TRIQK: variants seen among roughly 807,000 people sequenced by gnomAD.
The protein encoded by TRIQK is triple QxxK/R motif containing.
TRIQK carries 10 observed loss-of-function variants against 10.8 expected under a neutral mutation model. That is an observed-to-expected ratio of 0.92 (90% confidence interval 0.57 to 1.57). The LOEUF (loss-of-function observed/expected upper bound fraction) is 1.57, where lower values mean the gene tolerates loss of function less well. Among genes scored for constraint, TRIQK ranks in the 40% most tolerant of loss-of-function variants. The pLI is 0.00. For synonymous variants in TRIQK, 33 were observed against 33.7 expected, an observed-to-expected ratio of 0.98 and a Z score of 0.07; for missense variants, 107 against 97.7, an observed-to-expected ratio of 1.09 and a Z score of -0.40.
intron 2 of TRIQK, among the ~76,000 whole-genome samples, chr8:92,945,762 A>C (rs1169363327): frequency 6.6e-6 from 1 of 152,236 alleles, no homozygotes; most frequent in Non-Finnish European, 1.5e-5. Flanking sequence ...AGAGGTAGCT[A>C]TATGTATTAA....
chr8:93,011,316 T>C (rs937807668), intron 1 of TRIQK, among the ~76,000 whole-genome samples: 2 of 152,052 alleles, frequency 1.3e-5, no homozygotes, highest in African/African-American at 4.8e-5. Context: ...TACACAGAAA[T>C]GATTATTTCT....
At chr8:92,951,079 G>A (rs1163742083) in intron 2 of TRIQK, among the ~76,000 whole-genome samples, 1 of 151,302 alleles carries the variant, frequency 6.6e-6, no homozygotes, top group Non-Finnish European at 1.5e-5. Context: ...GTAAACAATT[G>A]TTTTACTGTA....
intron 3 of TRIQK, among the ~76,000 whole-genome samples, chr8:92,895,126 CA>C (rs1243045521): frequency 1.3e-5 from 2 of 152,166 alleles, no homozygotes; most frequent in African/African-American, 4.8e-5. Flanking sequence ...AAGATAAATT[CA>C]GTTTACTTCC....
intron 1 of TRIQK, among the ~76,000 whole-genome samples, chr8:92,991,994 G>A (rs989769062): frequency 3.3e-5 from 5 of 152,110 alleles, no homozygotes; most frequent in African/African-American, 4.8e-5. Context: ...ACTGCTCAAC[G>A]AAATAAAAGA....
intron 3 of TRIQK, among the ~76,000 whole-genome samples, chr8:92,897,437 T>C (rs1240145423): frequency 1.3e-5 from 2 of 152,148 alleles, no homozygotes; most frequent in African/African-American, 4.8e-5. Flanking sequence ...AGGTGGGACT[T>C]TTAAGAGATT....
At chr8:93,003,165 T>A (rs1399488093) in intron 1 of TRIQK, among the ~76,000 whole-genome samples, 1 of 152,092 alleles carries the variant, frequency 6.6e-6, no homozygotes, top group African/African-American at 2.4e-5. Flanking sequence ...CACACTGCTA[T>A]AAAGAACTAC....
At chr8:92,970,355 T>C (rs1812862015), upstream of TRIQK, among the ~76,000 whole-genome samples, 1 of 152,230 alleles carries the variant, frequency 6.6e-6, no homozygotes, top group Admixed American at 6.5e-5. Flanking sequence ...GTTCTGCTTC[T>C]AGGTCTTTAA....
At position 92,883,879 on chromosome 8, in the gene TRIQK, AG is replaced by A. The variant is rs904023976; in HGVS notation, c.*2742del. ...CTTGTTTTAAAAGCAATTCTAGATG[AG>A]GTTATATTTTTACAATACTGTATCT... On this transcript the variant is annotated 3_prime_UTR_variant, in exon 5 of 5. Transcript: ENST00000521988. 6.6e-6 allele frequency: 1 copy of A among 151,756 alleles called. No homozygotes were observed. Among genetic ancestry groups the A allele is most frequent in the African/African-American group, 2.4e-5 (1 of 41,386 alleles). The allele number at this position is 151,756 out of a possible 1,614,324, so 9.4% of individuals were successfully genotyped here. A position where few individuals can be genotyped will look rare whatever the true frequency, so the allele number is the denominator to read the frequency against.
intron 1 of TRIQK, among the ~76,000 whole-genome samples, chr8:92,999,663 G>A (rs1813188198): frequency 6.6e-6 from 1 of 152,066 alleles, no homozygotes; most frequent in Non-Finnish European, 1.5e-5. Flanking sequence ...GGCCAGAAAT[G>A]GAATTGTTGC....
chr8:92,957,498 G>A (rs1812233898), intron 1 of TRIQK, among the ~76,000 whole-genome samples: 1 of 151,804 alleles, frequency 6.6e-6, no homozygotes, highest in African/African-American at 2.4e-5. Flanking sequence ...GTTCAAAGGG[G>A]ATATGTTTTC....
At position 92,884,574 on chromosome 8, in the gene TRIQK, C is replaced by T; in HGVS notation, c.*2048G>A. 2 of 309,872 alleles carry T rather than the reference C, an allele frequency of 6.5e-6. No individual in the cohort carries two copies. Among genetic ancestry groups the T allele is most frequent in the Non-Finnish European group, 1.3e-5 (2 of 156,872 alleles). 19.2% of individuals were successfully genotyped at this position (309,872 alleles called of 1,614,324 possible). The stretch of plus-strand genomic sequence containing the variant: ...TAATAGTTATCAAAAACATTTTTCC[C>T]CAAAAAATACCTCAAGGGTAAAACA... On this transcript the variant is annotated 3_prime_UTR_variant, in exon 5 of 5. Transcript: ENST00000521988.
At chr8:92,932,952 C>T (rs995817148) in intron 2 of TRIQK, among the ~76,000 whole-genome samples, 25 of 151,986 alleles carry the variant, frequency 1.6e-4, no homozygotes, top group African/African-American at 6.0e-4. Flanking sequence ...TACGGTTTAG[C>T]GTGTGTTTTC....
chr8:93,000,566 A>C (rs1204517764), intron 1 of TRIQK, among the ~76,000 whole-genome samples: 1 of 152,216 alleles, frequency 6.6e-6, no homozygotes, highest in Non-Finnish European at 1.5e-5. Context: ...CTACAATTCA[A>C]GAAGAGATTT....
At chr8:92,938,174 C>T (rs1811085823) in intron 2 of TRIQK, among the ~76,000 whole-genome samples, 1 of 151,976 alleles carries the variant, frequency 6.6e-6, no homozygotes, top group South Asian at 2.1e-4. Context: ...TACTTGAAAG[C>T]TAACACTCCT....
chr8:92,939,184 G>T (rs1811147133), intron 2 of TRIQK, among the ~76,000 whole-genome samples: 1 of 152,134 alleles, frequency 6.6e-6, no homozygotes, highest in Non-Finnish European at 1.5e-5. Context: ...TTTCTAGGTT[G>T]CATCTAAGCA....
At chr8:92,945,684 C>T (rs1026906304) in intron 2 of TRIQK, among the ~76,000 whole-genome samples, 3 of 152,098 alleles carry the variant, frequency 2.0e-5, no homozygotes, top group African/African-American at 7.2e-5. Context: ...TATATAGATA[C>T]ATATTTGTTC....
rs749601889 is a variant in TRIQK at position 93,014,408 on chromosome 8, T to G, written c.-181+3201A>C. Among the ~76,000 whole-genome samples the G allele has an allele frequency of 3.4e-4, 51 of 152,162 alleles. 1 individual carries two copies. Among genetic ancestry groups the G allele is most frequent in the Admixed American group, 7.2e-4 (11 of 15,264 alleles). On this transcript the variant is annotated intron_variant, in intron 1 of 4. Transcript: ENST00000520686. The stretch of plus-strand genomic sequence containing the variant: ...GGCCATTTTGCTATATGAACAACTA[T>G]GAGGAAAAAAGTCTTAACATTTGCA...
At chr8:92,929,159 G>A (rs1363384969) in intron 2 of TRIQK, among the ~76,000 whole-genome samples, 1 of 152,156 alleles carries the variant, frequency 6.6e-6, no homozygotes, top group Non-Finnish European at 1.5e-5. Context: ...AATAATGTTG[G>A]GGAGTGGCTA....
intron 2 of TRIQK, among the ~76,000 whole-genome samples, chr8:92,919,607 T>A (rs1418235642): frequency 6.6e-6 from 1 of 151,876 alleles, no homozygotes; most frequent in Non-Finnish European, 1.5e-5. Flanking sequence ...TCCTTTTTTT[T>A]ATTGTGTTCT....
Sources: gnomAD v4.1 joint callset for allele counts (sites outside exome capture counted in the v4.1 genomes callset) on GRCh38, gnomAD v4.1.1 for gene constraint, MANE v1.5 for transcripts, NCBI Gene and HGNC (gene_info 2026-07-23, HGNC 2026-07-21) for gene names.